HIVEP3: variants seen among roughly 807,000 people sequenced by gnomAD.
HIVEP3 encodes the protein transcription factor HIVEP3.
HIVEP3 carries 49 observed loss-of-function variants against 152.8 expected under a neutral mutation model. The ratio of observed to expected loss-of-function variants is 0.32; its 90% CI spans 0.26 to 0.41. The LOEUF is 0.41. Ranked by LOEUF, HIVEP3 falls within the 10% of genes least tolerant of loss-of-function variation. HIVEP3 has a pLI of 1.00. For synonymous variants in HIVEP3, 1,269 were observed against 1,289.0 expected (o/e 0.98, Z 0.33); for missense variants, 2,790 against 3,103.3 (o/e 0.90, Z 2.40).
At chr1:41,751,546 C>T (rs1008518900) in intron 1 of HIVEP3, among the ~76,000 whole-genome samples, 2 of 152,020 alleles carry the variant, frequency 1.3e-5, no homozygotes, top group African/African-American at 2.4e-5. Context: ...GGGAAGTTCA[C>T]GAAATGAGCA....
At position 41,583,950 on chromosome 1, in the gene HIVEP3, T is replaced by C. The variant is rs1644463045; in HGVS notation, c.848A>G (p.Asp283Gly). 6.2e-7 allele frequency: 1 copy of C among 1,614,134 alleles called. No homozygotes were observed. The highest frequency in any genetic ancestry group is 1.3e-5 in the African/African-American group (1 of 75,044). ...GGTGGCACTAGTCTCCTCTTCAGAA[T>C]CTGTGCTTTCTCCCTCAGTGGGCTC... ...FEEPTEGEST[D>G]SEEETSATSG... Residue 283 changes from aspartate (D) to glycine (G), a missense_variant, in exon 4 of 9, where the codon GAT (aspartate) becomes GGT (glycine). Asp to Gly is a moderately conservative substitution (Grantham distance 94). Coordinates refer to ENST00000372583, the MANE Select transcript of HIVEP3 (RefSeq NM_024503.5). This position sits in a 1 kb window ranked among gnomAD's most constrained non-coding sequence, Gnocchi z 6.9.
At chr1:41,786,839 C>T (rs891843611) in intron 1 of HIVEP3, among the ~76,000 whole-genome samples, 4 of 151,338 alleles carry the variant, frequency 2.6e-5, no homozygotes, top group African/African-American at 7.3e-5. Context: ...GCAACCTCCT[C>T]CTCCCAGGTC....
chr1:41,558,062 T>G (rs890951496), intron 5 of HIVEP3, among the ~76,000 whole-genome samples: 2 of 152,150 alleles, frequency 1.3e-5, no homozygotes, highest in African/African-American at 2.4e-5. Context: ...GAGCTGGGAT[T>G]GAACTGGGCA....
At chr1:41,716,409 C>T (rs1646594174) in intron 1 of HIVEP3, among the ~76,000 whole-genome samples, 1 of 152,318 alleles carries the variant, frequency 6.6e-6, no homozygotes, top group Non-Finnish European at 1.5e-5. Context: ...AGCTCTCCCC[C>T]CATCACCACC....
Position 41,524,147 on chromosome 1 carries a change from T to C in HIVEP3, c.5383+588A>G, listed in dbSNP as rs546286257. Among the ~76,000 whole-genome samples the C allele has an allele frequency of 1.6e-3, 240 of 152,098 alleles. 2 individuals carry two copies. Among genetic ancestry groups the C allele is most frequent in the African/African-American group, 5.3e-3 (218 of 41,512 alleles). ...TCCTGACCCTGATGTGGGGTGTGGC[T>C]GGGGCAGGGGTGACAGGGCTGTCAG... On this transcript the variant is annotated intron_variant, in intron 6 of 8. Coordinates refer to ENST00000372583, the MANE Select transcript of HIVEP3 (RefSeq NM_024503.5).
At chr1:41,892,215 T>TA (rs1479760803) in intron 1 of HIVEP3, among the ~76,000 whole-genome samples, 1 of 152,190 alleles carries the variant, frequency 6.6e-6, no homozygotes, top group African/African-American at 2.4e-5. Flanking sequence ...AGCTTTATCT[T>TA]AAAACAAATA....
At chr1:41,874,648 A>G (rs918253425) in intron 1 of HIVEP3, among the ~76,000 whole-genome samples, 3 of 152,194 alleles carry the variant, frequency 2.0e-5, no homozygotes, top group African/African-American at 7.2e-5. Context: ...CTAGAAGATA[A>G]AGAGAGACTC....
intron 1 of HIVEP3, among the ~76,000 whole-genome samples, chr1:41,786,754 C>CT (rs111637699): frequency 0.15 from 20,784 of 140,840 alleles, 3,945 homozygotes; most frequent in African/African-American, 0.44. Flanking sequence ...AATTTTCTTT[C>CT]TTTTTTTTTT....
intron 1 of HIVEP3, among the ~76,000 whole-genome samples, chr1:42,000,734 C>T (rs537739130): frequency 3.7e-4 from 56 of 152,294 alleles, no homozygotes; most frequent in African/African-American, 1.3e-3. Flanking sequence ...CAAAAACCCT[C>T]CTGACAAAGA....
intron 5 of HIVEP3, among the ~76,000 whole-genome samples, chr1:41,540,156 A>G (rs1019143309): frequency 2.0e-5 from 3 of 152,238 alleles, no homozygotes; most frequent in African/African-American, 4.8e-5. Context: ...GAGGACACTG[A>G]CCAAGGCTCT....
chr1:41,939,135 T>C (rs546631136), intron 1 of HIVEP3, among the ~76,000 whole-genome samples: 21 of 152,334 alleles, frequency 1.4e-4, no homozygotes, highest in African/African-American at 5.1e-4. Flanking sequence ...TCTCTTTAAA[T>C]GAGAATGGCT....
chr1:41,766,813 A>C (rs1648040908), intron 1 of HIVEP3, among the ~76,000 whole-genome samples: 1 of 152,166 alleles, frequency 6.6e-6, no homozygotes, highest in Non-Finnish European at 1.5e-5. Flanking sequence ...ACATACCTCC[A>C]AACACTCTCA....
intron 3 of HIVEP3, among the ~76,000 whole-genome samples, chr1:41,593,437 A>G (rs1644617674): frequency 6.6e-6 from 1 of 152,242 alleles, no homozygotes; most frequent in African/African-American, 2.4e-5. Context: ...ACTGATAGAT[A>G]TGAAGGTTGT....
At chr1:41,877,050 T>A (rs1015609077) in intron 1 of HIVEP3, among the ~76,000 whole-genome samples, 1 of 152,178 alleles carries the variant, frequency 6.6e-6, no homozygotes, top group Admixed American at 6.5e-5. Flanking sequence ...TGGTTTTGAG[T>A]CCAGTGAATA....
rs569243126 is a variant in HIVEP3 at position 41,861,519 on chromosome 1, C to T, written c.-801+56894G>A. ...TTTATGGGAAAATGGATTGAGTTTA[C>T]CTTGAAGGGTGGGGAAATTTTAGGC... On this transcript the variant is annotated intron_variant, in intron 1 of 8. Coordinates refer to ENST00000372583, the MANE Select transcript of HIVEP3 (RefSeq NM_024503.5). Among the ~76,000 whole-genome samples, 7 of 152,270 alleles carry T rather than the reference C, an allele frequency of 4.6e-5. 1 individual carries two copies. The highest frequency in any genetic ancestry group is 2.1e-4 in the South Asian group (1 of 4,828).
intron 1 of HIVEP3, among the ~76,000 whole-genome samples, chr1:41,875,648 G>A (rs1421040241): frequency 1.3e-5 from 2 of 152,274 alleles, no homozygotes; most frequent in African/African-American, 4.8e-5. Flanking sequence ...GCAGCTGTGG[G>A]GCCTCCTTTC....
At chr1:41,866,217 G>A (rs930721837) in intron 1 of HIVEP3, among the ~76,000 whole-genome samples, 9 of 152,240 alleles carry the variant, frequency 5.9e-5, no homozygotes, top group African/African-American at 1.9e-4. Flanking sequence ...CATCTGCAGG[G>A]AGGGGTCAGG....
chr1:41,724,452 A>C (rs7530889), intron 1 of HIVEP3, among the ~76,000 whole-genome samples: 2,099 of 152,348 alleles, frequency 0.014, 46 homozygotes, highest in African/African-American at 0.048. Context: ...AGTGAACAGA[A>C]ACGTCCACCA....
rs774367373 is a variant in HIVEP3, at chr1:41,580,509, C to T, written c.4289G>A (p.Arg1430His). The T allele has an allele frequency of 1.9e-6, 3 of 1,614,186 alleles. No individual in the cohort carries two copies. Among genetic ancestry groups the T allele is most frequent in the Non-Finnish European group, 1.7e-6 (2 of 1,180,034 alleles). ...AAGGCTGCCAGCTGGTGAAAGGACACGTTTGCTTCCCCCTGCTGTTGATGA... is the reference window on the plus strand; with the variant it reads ...AAGGCTGCCAGCTGGTGAAAGGACATGTTTGCTTCCCCCTGCTGTTGATGA... ...GSSSTAGGSK[R>H]VLSPAGSLEL... is the part of the protein sequence containing the mutation. Residue 1430 changes from arginine to histidine, a missense_variant, in exon 4 of 9, where the codon CGT becomes CAT. Physicochemically the swap from Arg to His is conservative, Grantham distance 29. This residue lies in a region of HIVEP3 where 1,078 missense variants were observed against 1,165.3 expected (regional missense o/e 0.93). Coordinates refer to ENST00000372583, the MANE Select transcript of HIVEP3 (RefSeq NM_024503.5).
Sources: allele counts gnomAD v4.1 joint callset (sites outside exome capture counted in the v4.1 genomes callset), GRCh38; gene constraint gnomAD v4.1.1; regional missense constraint gnomAD v4.1.1; non-coding constraint Gnocchi (gnomAD v3.1); transcripts MANE v1.5; gene names NCBI Gene and HGNC (gene_info 2026-07-23, HGNC 2026-07-21).